Variants in CLIC5 observed in about 807,000 individuals in gnomAD.
CLIC5 encodes the protein CLIC family member 5.
In CLIC5, 20 loss-of-function variants were observed where a neutral mutation model predicts 24.7. The observed-to-expected ratio is 0.81, with a 90% confidence interval of 0.57 to 1.18. The LOEUF (loss-of-function observed/expected upper bound fraction) is 1.18, where lower values mean the gene tolerates loss of function less well. Ranked by LOEUF, CLIC5 falls within the 50% of genes most tolerant of loss-of-function variation. The pLI is 0.00. For synonymous variants in CLIC5, 159 were observed against 135.6 expected (o/e 1.17, Z -1.20); for missense variants, 341 against 326.1 (o/e 1.05, Z -0.35).
At chr6:46,122,442 G>A in the CLIC5 span, among the ~76,000 whole-genome samples, 22 of 152,250 alleles carry the variant, frequency 1.4e-4, no homozygotes, top group African/African-American at 5.3e-4. Flanking sequence ...TGTGTAGAGG[G>A]AAATTTATAG....
chr6:45,908,832 T>C (rs867113460), intron 5 of CLIC5, among the ~76,000 whole-genome samples: 1 of 152,194 alleles, frequency 6.6e-6, no homozygotes, highest in Middle Eastern at 3.2e-3. Flanking sequence ...CTTTGTTAGT[T>C]TTCTGCCTCG....
chr6:46,123,916 C>T, the CLIC5 span, among the ~76,000 whole-genome samples: 1 of 152,102 alleles, frequency 6.6e-6, no homozygotes, highest in African/African-American at 2.4e-5. Flanking sequence ...CAAACCACTG[C>T]TCAATGAAAT....
At chr6:45,966,790 G>A (rs1765028898) in intron 1 of CLIC5, among the ~76,000 whole-genome samples, 1 of 152,144 alleles carries the variant, frequency 6.6e-6, no homozygotes, top group Non-Finnish European at 1.5e-5. Context: ...ACCATTTTGA[G>A]TTGTTCAGGG....
intron 4 of CLIC5, among the ~76,000 whole-genome samples, chr6:45,921,265 G>A (rs1763249469): frequency 6.6e-6 from 1 of 152,162 alleles, no homozygotes; most frequent in South Asian, 2.1e-4. Context: ...TTTAGAAGAT[G>A]GGAAGGGGAC....
chr6:45,985,006 G>A (rs1765685685), intron 1 of CLIC5, among the ~76,000 whole-genome samples: 1 of 152,206 alleles, frequency 6.6e-6, no homozygotes, highest in Admixed American at 6.5e-5. Context: ...AAGGCAATGG[G>A]ATCTGAGCAG....
chr6:46,010,288 C>T (rs1421840407), intron 1 of CLIC5, among the ~76,000 whole-genome samples: 1 of 152,128 alleles, frequency 6.6e-6, no homozygotes, highest in African/African-American at 2.4e-5. Context: ...GAAAGACTTA[C>T]TAATAGGCCA....
At chr6:46,118,495 T>C in the CLIC5 span, among the ~76,000 whole-genome samples, 1 of 152,204 alleles carries the variant, frequency 6.6e-6, no homozygotes, top group African/African-American at 2.4e-5. Context: ...GCACTTTACA[T>C]ATAGACGCCT....
At chr6:45,986,047 C>CCTCATTCACCTTCCACCATG (rs2127418782) in intron 1 of CLIC5, among the ~76,000 whole-genome samples, 1 of 151,500 alleles carries the variant, frequency 6.6e-6, no homozygotes, top group African/African-American at 2.4e-5. Flanking sequence ...CTGCCACAAT[C>CCTCATTCACCTTCCACCATG]TAAGACATGA....
intron 6 of CLIC5, among the ~76,000 whole-genome samples, chr6:45,882,848 G>C (rs1762275014): frequency 6.6e-6 from 1 of 152,210 alleles, no homozygotes. Context: ...TCTTCAGTCA[G>C]AGTATATCAT....
chr6:46,005,355 G>T (rs1766512253), intron 1 of CLIC5, among the ~76,000 whole-genome samples: 1 of 152,146 alleles, frequency 6.6e-6, no homozygotes, highest in South Asian at 2.1e-4. Flanking sequence ...GTTGATATAG[G>T]ATATGGGGTA....
chr6:45,941,489 T>C, intron 4 of CLIC5, 58 bp downstream of exon 4: 2 of 1,298,028 alleles, frequency 1.5e-6, no homozygotes, highest in Non-Finnish European at 2.2e-6. Context: ...AAATTGAAGA[T>C]GCCTTGGGCA....
intron 2 of CLIC5, among the ~76,000 whole-genome samples, chr6:45,952,889 C>A (rs1220082133): frequency 1.3e-5 from 2 of 152,180 alleles, no homozygotes; most frequent in Non-Finnish European, 2.9e-5. Context: ...CATAAGTCTG[C>A]TGCTCTCTTT....
At chr6:45,991,217 G>A (rs1338469) in intron 1 of CLIC5, among the ~76,000 whole-genome samples, 50,251 of 152,098 alleles carry the variant, frequency 0.33, 8,505 homozygotes, top group Middle Eastern at 0.45. Flanking sequence ...TTTGAATTAA[G>A]CAAAAGAGAT....
chr6:46,042,964 C>T (rs1486579196), intron 1 of CLIC5, among the ~76,000 whole-genome samples: 4 of 152,304 alleles, frequency 2.6e-5, no homozygotes, highest in Middle Eastern at 6.8e-3. Flanking sequence ...TCTGGGTGCA[C>T]GTTCTCTCTT....
chr6:45,889,287 C>T (rs907855409), intron 6 of CLIC5, among the ~76,000 whole-genome samples: 1 of 152,150 alleles, frequency 6.6e-6, no homozygotes, highest in African/African-American at 2.4e-5. Flanking sequence ...AGAGAGAATA[C>T]TTCTTTCATG....
intron 4 of CLIC5, among the ~76,000 whole-genome samples, chr6:45,927,656 T>C (rs953418286): frequency 7.9e-5 from 12 of 152,174 alleles, no homozygotes; most frequent in African/African-American, 2.9e-4. Flanking sequence ...CTAACTGGCC[T>C]TTATCTGCCA....
chr6:45,986,173 T>C (rs541997663), intron 1 of CLIC5, among the ~76,000 whole-genome samples: 2 of 152,306 alleles, frequency 1.3e-5, no homozygotes, highest in South Asian at 4.1e-4. Flanking sequence ...ATGTCTTTAT[T>C]AGCAGCATGA....
At chr6:46,068,900 T>C (rs1256830574) in intron 1 of CLIC5, among the ~76,000 whole-genome samples, 3 of 152,124 alleles carry the variant, frequency 2.0e-5, no homozygotes, top group Non-Finnish European at 4.4e-5. Flanking sequence ...AGTTCTGTTG[T>C]TTAAGCCACC....
At chr6:45,951,738 T>A (rs1443309778) in intron 2 of CLIC5, among the ~76,000 whole-genome samples, 1 of 151,214 alleles carries the variant, frequency 6.6e-6, no homozygotes, top group Non-Finnish European at 1.5e-5. Context: ...CTTGTGGGAG[T>A]CGGGAGTGGA....
Sources: allele counts gnomAD v4.1 joint callset (sites outside exome capture counted in the v4.1 genomes callset), GRCh38; gene constraint gnomAD v4.1.1; transcripts MANE v1.5; gene names NCBI Gene and HGNC (gene_info 2026-07-23, HGNC 2026-07-21).